ADAMTSL1: variants seen among roughly 807,000 people sequenced by gnomAD.
ADAMTSL1 encodes the protein ADAMTS like 1.
ADAMTSL1 carries 126 observed loss-of-function variants against 201.8 expected under a neutral mutation model. The ratio of observed to expected loss-of-function variants is 0.62; its 90% CI spans 0.54 to 0.72. The LOEUF is 0.72. Ranked by LOEUF, ADAMTSL1 falls within the 30% of genes least tolerant of loss-of-function variation. The probability of loss-of-function intolerance (pLI) is 0.00; values close to 1 mark genes in which losing one functional copy is unlikely to be tolerated. For missense variants in ADAMTSL1, 2,679 were observed against 2,277.8 expected (o/e 1.18, Z -3.59); for synonymous variants, 1,121 against 903.4 (o/e 1.24, Z -4.32).
At chr9:17,985,117 G>A (rs1818869997) in intron 1 of ADAMTSL1, among the ~76,000 whole-genome samples, 1 of 152,082 alleles carries the variant, frequency 6.6e-6, no homozygotes, top group Non-Finnish European at 1.5e-5. Context: ...TTGTATAAAA[G>A]ATTGAGGCAC....
intron 1 of ADAMTSL1, among the ~76,000 whole-genome samples, chr9:18,029,231 C>G (rs901081497): frequency 6.6e-6 from 1 of 152,082 alleles, no homozygotes; most frequent in African/African-American, 2.4e-5. Flanking sequence ...TTCCTCTTTT[C>G]CTATTTGAAT....
chr9:18,799,003 G>T (rs977977716), intron 20 of ADAMTSL1, among the ~76,000 whole-genome samples: 2 of 152,064 alleles, frequency 1.3e-5, no homozygotes, highest in Non-Finnish European at 2.9e-5. Context: ...AAGTCTCAGG[G>T]ATTTGGGAGT....
intron 20 of ADAMTSL1, among the ~76,000 whole-genome samples, chr9:18,805,089 T>G (rs1823022211): frequency 6.6e-6 from 1 of 152,228 alleles, no homozygotes; most frequent in Admixed American, 6.5e-5. Context: ...AACTGTTTTC[T>G]TGAACTCTAA....
intron 4 of ADAMTSL1, among the ~76,000 whole-genome samples, chr9:18,619,827 A>C (rs1047670973): frequency 1.3e-5 from 2 of 152,126 alleles, no homozygotes; most frequent in Non-Finnish European, 2.9e-5. Context: ...GAGAGTGGAA[A>C]TTCCTGTGCC....
At chr9:18,694,715 T>C (rs1412097489) in intron 13 of ADAMTSL1, among the ~76,000 whole-genome samples, 2 of 152,176 alleles carry the variant, frequency 1.3e-5, no homozygotes, top group African/African-American at 2.4e-5. Context: ...TGGTGCAAGC[T>C]GTCAGTGGAT....
At chr9:18,206,627 C>A (rs1461640644) in intron 2 of ADAMTSL1, among the ~76,000 whole-genome samples, 2 of 152,114 alleles carry the variant, frequency 1.3e-5, no homozygotes, top group African/African-American at 4.8e-5. Context: ...GTTACCACAT[C>A]ATTTTAAGCT....
intron 1 of ADAMTSL1, among the ~76,000 whole-genome samples, chr9:18,493,166 G>A (rs1051603301): frequency 2.0e-5 from 3 of 152,054 alleles, no homozygotes; most frequent in Non-Finnish European, 4.4e-5. Flanking sequence ...TAGTTTTATG[G>A]AAAATCTAAT....
At chr9:18,245,274 AT>A (rs139237882) in intron 2 of ADAMTSL1, among the ~76,000 whole-genome samples, 5,076 of 152,314 alleles carry the variant, frequency 0.033, 129 homozygotes, top group Non-Finnish European at 0.054. Context: ...AATAGGTCAA[AT>A]GAGTAATTTA....
chr9:18,327,488 T>C (rs141170120), intron 2 of ADAMTSL1, among the ~76,000 whole-genome samples: 40 of 152,320 alleles, frequency 2.6e-4, no homozygotes, highest in African/African-American at 8.9e-4. Context: ...TCAGCCCACG[T>C]AGGCATTTTT....
At chr9:18,706,350 A>T (rs1286211493) in intron 13 of ADAMTSL1, among the ~76,000 whole-genome samples, 1 of 152,192 alleles carries the variant, frequency 6.6e-6, no homozygotes, top group Non-Finnish European at 1.5e-5. Context: ...GTTTGACAGG[A>T]TCTGGCCGGC....
intron 23 of ADAMTSL1, among the ~76,000 whole-genome samples, chr9:18,882,707 T>C (rs1821377): frequency 0.26 from 39,570 of 152,034 alleles, 6,343 homozygotes; most frequent in Non-Finnish European, 0.35. Context: ...AATAAGGTGA[T>C]ACAGGGCCAG....
chr9:17,914,258 T>A (rs1406476526), intron 1 of ADAMTSL1, among the ~76,000 whole-genome samples: 1 of 152,128 alleles, frequency 6.6e-6, no homozygotes, highest in Non-Finnish European at 1.5e-5. Context: ...TGAACATTGA[T>A]GCAAAAATCC....
intron 1 of ADAMTSL1, among the ~76,000 whole-genome samples, chr9:18,011,677 A>G (rs183969096): frequency 1.1e-3 from 175 of 152,180 alleles, no homozygotes; most frequent in African/African-American, 4.1e-3. Flanking sequence ...TTAATATTTT[A>G]GAGCTCAAAG....
intron 1 of ADAMTSL1, among the ~76,000 whole-genome samples, chr9:17,956,065 C>A (rs1326509488): frequency 2.6e-5 from 4 of 152,150 alleles, no homozygotes. Flanking sequence ...GTGGAAAAAT[C>A]TGAATAGTTT....
At chr9:18,570,357 C>T (rs969211720) in intron 3 of ADAMTSL1, among the ~76,000 whole-genome samples, 7 of 152,178 alleles carry the variant, frequency 4.6e-5, no homozygotes, top group Non-Finnish European at 7.3e-5. Flanking sequence ...TATTAGCATA[C>T]TTGTGGAACA....
chr9:18,565,757 G>T (rs531474153), intron 3 of ADAMTSL1, among the ~76,000 whole-genome samples: 1 of 152,274 alleles, frequency 6.6e-6, no homozygotes, highest in Admixed American at 6.5e-5. Flanking sequence ...CACGCAGACT[G>T]TCTAGACAGG....
intron 2 of ADAMTSL1, among the ~76,000 whole-genome samples, chr9:18,228,382 T>A (rs1830509118): frequency 6.6e-6 from 1 of 152,176 alleles, no homozygotes; most frequent in Non-Finnish European, 1.5e-5. Flanking sequence ...TGCTTGGATC[T>A]GTGTTCTCAT....
chr9:18,600,402 G>C (rs1467680827), intron 4 of ADAMTSL1, among the ~76,000 whole-genome samples: 1 of 152,116 alleles, frequency 6.6e-6, no homozygotes, highest in African/African-American at 2.4e-5. Context: ...GACTGAATTA[G>C]GATTTGAACT....
intron 4 of ADAMTSL1, among the ~76,000 whole-genome samples, chr9:18,589,866 CATT>C (rs1426301357): frequency 6.6e-6 from 1 of 152,060 alleles, no homozygotes; most frequent in Non-Finnish European, 1.5e-5. Context: ...TGTACTGTAT[CATT>C]ATTAATTTGT....
Sources: allele counts gnomAD v4.1 joint callset (sites outside exome capture counted in the v4.1 genomes callset), GRCh38; gene constraint gnomAD v4.1.1; transcripts MANE v1.5; gene names NCBI Gene and HGNC (gene_info 2026-07-23, HGNC 2026-07-21).